CPS1: variants seen among roughly 807,000 people sequenced by gnomAD.
CPS1 encodes carbamoyl-phosphate synthase 1.
Under a neutral mutation model 174.6 loss-of-function variants are expected in CPS1, and 109 were observed. That is an observed-to-expected ratio of 0.62 (90% CI 0.53 to 0.73). CPS1 has a LOEUF of 0.73. Among genes scored for constraint, CPS1 ranks in the 30% least tolerant of loss-of-function variants. The probability of loss-of-function intolerance (pLI) is 0.00; values close to 1 mark genes in which losing one functional copy is unlikely to be tolerated. For synonymous variants in CPS1, 637 were observed against 632.0 expected (o/e 1.01, Z -0.12); for missense variants, 1,689 against 1,821.9 (o/e 0.93, Z 1.33).
At chr2:210,556,338 A>G (rs184609335), upstream of CPS1, 465 of 460,598 alleles carry the variant, frequency 1.0e-3, 1 homozygote, top group Non-Finnish European at 1.1e-3. Context: ...GATCCTTAGC[A>G]TGTTGGAAAG....
chr2:210,529,979 T>C (rs775593426), intron 1 of CPS1, among the ~76,000 whole-genome samples: 8 of 152,064 alleles, frequency 5.3e-5, no homozygotes, highest in Non-Finnish European at 1.0e-4. Flanking sequence ...ACGTTTCCTG[T>C]AGTAAATTAT....
intron 33 of CPS1, among the ~76,000 whole-genome samples, chr2:210,667,872 T>C (rs1193094754): frequency 6.6e-6 from 1 of 152,206 alleles, no homozygotes; most frequent in African/African-American, 2.4e-5. Flanking sequence ...TAACTCTCAG[T>C]AGAATCCAGT....
At chr2:210,662,670 T>C (rs1700962386) in intron 32 of CPS1, among the ~76,000 whole-genome samples, 1 of 152,242 alleles carries the variant, frequency 6.6e-6, no homozygotes, top group Non-Finnish European at 1.5e-5. Flanking sequence ...GAAACTGGCT[T>C]ACAGACAGCC....
intron 1 of CPS1, among the ~76,000 whole-genome samples, chr2:210,558,732 G>A (rs961095782): frequency 1.3e-5 from 2 of 151,966 alleles, no homozygotes; most frequent in African/African-American, 4.8e-5. Flanking sequence ...ATCACAATAA[G>A]TGCTCCATAC....
chr2:210,579,274 C>T (rs2106085145), intron 4 of CPS1, among the ~76,000 whole-genome samples: 1 of 152,244 alleles, frequency 6.6e-6, no homozygotes, highest in Non-Finnish European at 1.5e-5. Flanking sequence ...GCCTGATGGA[C>T]TAACAGGATG....
At chr2:210,579,622 G>T in intron 4 of CPS1, 92 bp from the exon 5 acceptor site, 1 of 947,826 alleles carries the variant, frequency 1.1e-6, no homozygotes. Context: ...TACTGCTCAA[G>T]AAGATAGATG....
At position 210,654,071 on chromosome 2, in the gene CPS1, T is replaced by C. The variant is rs1424398760; in HGVS notation, c.3527T>C (p.Val1176Ala). The C allele has an allele frequency of 2.5e-6, 4 of 1,614,032 alleles. No individual in the cohort carries two copies. Among genetic ancestry groups the C allele is most frequent in the Non-Finnish European group, 3.4e-6 (4 of 1,179,902 alleles). The change falls in exon 29 of 38, where the codon GTA becomes GCA. Residue 1176 changes from valine to alanine, a missense_variant. Physicochemically the swap from Val to Ala is moderately conservative, Grantham distance 64. Coordinates refer to ENST00000233072, the MANE Select transcript of CPS1 (RefSeq NM_001875.5). ...LTKFVEGARE[V>A]EMDAVGKDGR... ...AAATTTGTTGAAGGGGCCCGAGAAG[T>C]AGAAATGGACGCTGTTGGCAAAGAT...
chr2:210,489,378 T>C (rs1019049529), intron 1 of CPS1, among the ~76,000 whole-genome samples: 6 of 152,166 alleles, frequency 3.9e-5, no homozygotes, highest in South Asian at 4.1e-4. Flanking sequence ...AAATCTTCTG[T>C]TGGGTGTCAC....
chr2:210,592,805 C>A, intron 10 of CPS1, 74 bp from the exon 11 acceptor site: 3 of 1,406,128 alleles, frequency 2.1e-6, no homozygotes, highest in South Asian at 1.2e-5. Flanking sequence ...CTTTATTGTT[C>A]CCTGAATAAT....
intron 22 of CPS1, 151 bp downstream of exon 22, chr2:210,637,994 T>C (rs1700091415): frequency 3.4e-6 from 3 of 874,240 alleles, no homozygotes; most frequent in African/African-American, 1.7e-5. Flanking sequence ...ATGTCACCAA[T>C]TTTATTCAGC....
Position 210,591,922 on chromosome 2 carries a change from G to T in CPS1, c.1039G>T (p.Ala347Ser), listed in dbSNP as rs148584272. The T allele has an allele frequency of 9.6e-4, 1,543 of 1,612,202 alleles. No homozygotes were observed. Among genetic ancestry groups the T allele is most frequent in the Non-Finnish European group, 1.3e-3 (1,477 of 1,178,974 alleles). Reference protein sequence around the residue: ...HGYALDNTLPAGWKPLFVNVN... With the variant: ...HGYALDNTLPSGWKPLFVNVN... ...CTATGCCTTGGACAACACCCTCCCT[G>T]CTGGCTGGAAACCACTTTTTGTGAA... Residue 347 changes from alanine (A) to serine (S), a missense_variant, in exon 10 of 38, where the codon GCT (alanine) becomes TCT (serine). By Grantham distance (99) the Ala-to-Ser change is moderately conservative. Transcript: ENST00000233072.
chr2:210,593,550 C>A (rs537038137), intron 11 of CPS1: 2 of 985,510 alleles, frequency 2.0e-6, no homozygotes, highest in South Asian at 9.4e-5. Context: ...TTGTTCAAAC[C>A]CATCTTTCCA....
At chr2:210,659,402 T>C (rs1363081984) in intron 31 of CPS1, among the ~76,000 whole-genome samples, 1 of 152,134 alleles carries the variant, frequency 6.6e-6, no homozygotes, top group African/African-American at 2.4e-5. Context: ...GTTGTGGGAA[T>C]TAATTTACTC....
intron 34 of CPS1, among the ~76,000 whole-genome samples, chr2:210,669,159 T>A (rs1701208127): frequency 6.6e-6 from 1 of 152,206 alleles, no homozygotes; most frequent in South Asian, 2.1e-4. Context: ...AATTTATTGA[T>A]GTAAGTTAAA....
At chr2:210,560,378 C>A (rs888034800) in intron 1 of CPS1, among the ~76,000 whole-genome samples, 8 of 152,180 alleles carry the variant, frequency 5.3e-5, no homozygotes, top group Admixed American at 4.6e-4. Context: ...CTGGGAAAGT[C>A]ATCAAAGCTA....
chr2:210,621,859 T>A (rs1699540901), intron 21 of CPS1, among the ~76,000 whole-genome samples: 1 of 152,046 alleles, frequency 6.6e-6, no homozygotes, highest in East Asian at 1.9e-4. Flanking sequence ...AAGATAATAA[T>A]CACAAAAATT....
rs773555024 is a variant in CPS1 at position 210,608,571 on chromosome 2, G to C, written c.2391+12G>C. 2 of 1,609,626 alleles carry C rather than the reference G, an allele frequency of 1.2e-6. No individual in the cohort carries two copies. Among genetic ancestry groups the C allele is most frequent in the Admixed American group, 3.3e-5 (2 of 59,788 alleles). Reference sequence around the variant, plus strand: ...AAAGTGTAGGAGAGGTGAGTCCTTGGTTTATTACGCTTTTCTTCTTGTTCT... The same window carrying C: ...AAAGTGTAGGAGAGGTGAGTCCTTGCTTTATTACGCTTTTCTTCTTGTTCT... On this transcript the variant is annotated intron_variant, in intron 19 of 37. Coordinates refer to ENST00000233072, the MANE Select transcript of CPS1 (RefSeq NM_001875.5).
chr2:210,571,855 TTG>T (rs71043997), intron 1 of CPS1, among the ~76,000 whole-genome samples: 9,596 of 138,290 alleles, frequency 0.069, 194 homozygotes, highest in Non-Finnish European at 0.097. Context: ...CTACTAAAGT[TTG>T]TGTGTGTGTG....
chr2:210,496,157 C>T (rs1694986733), intron 1 of CPS1, among the ~76,000 whole-genome samples: 1 of 151,634 alleles, frequency 6.6e-6, no homozygotes, highest in African/African-American at 2.4e-5. Flanking sequence ...CTAGCAGGGG[C>T]ACTAGAAGCT....
Sources: gnomAD v4.1 joint callset for allele counts (sites outside exome capture counted in the v4.1 genomes callset) on GRCh38, gnomAD v4.1.1 for gene constraint, MANE v1.5 for transcripts, NCBI Gene and HGNC (gene_info 2026-07-23, HGNC 2026-07-21) for gene names.